The following DMD variants were observed in gnomAD, a reference collection of about 807,000 sequenced individuals.
DMD encodes dystrophin, also known as mutant dystrophin.
A neutral mutation model predicts 330.1 loss-of-function variants in DMD; 63 were observed. That is an observed-to-expected ratio of 0.19 (90% confidence interval 0.16 to 0.24). The LOEUF is 0.24. Among genes scored for constraint, DMD ranks in the 10% least tolerant of loss-of-function variants. The pLI is 1.00. For synonymous variants in DMD, 1,223 were observed against 959.8 expected (o/e 1.27, Z -5.07); for missense variants, 3,344 against 2,684.1 (o/e 1.25, Z -5.43).
At chrX:31,630,496 T>C (rs1434546052) in intron 54 of DMD, among the ~76,000 whole-genome samples, 2 of 111,200 alleles carry the variant, frequency 1.8e-5, no homozygotes, top group South Asian at 3.8e-4. Context: ...TCGGAATCTA[T>C]GTGTGTGTAC....
intron 1 of DMD, among the ~76,000 whole-genome samples, chrX:33,149,046 G>C (rs930250204): frequency 1.8e-5 from 2 of 110,053 alleles, no homozygotes; most frequent in African/African-American, 3.3e-5. Context: ...TGGGGTTAGT[G>C]GGGGGGAGGT....
intron 1 of DMD, among the ~76,000 whole-genome samples, chrX:33,257,717 G>A (rs1313456423): frequency 8.1e-5 from 9 of 110,862 alleles, no homozygotes; most frequent in African/African-American, 2.6e-4. Context: ...TGGTAAGTTC[G>A]ATAAGCCATT....
intron 2 of DMD, among the ~76,000 whole-genome samples, chrX:32,923,670 A>T (rs2088680575): frequency 8.9e-6 from 1 of 112,173 alleles, no homozygotes; most frequent in Non-Finnish European, 1.9e-5. Flanking sequence ...GTGATTACAT[A>T]AAAAAATGAA....
chrX:32,984,451 T>C (rs1456502363), intron 2 of DMD, among the ~76,000 whole-genome samples: 1 of 111,302 alleles, frequency 9.0e-6, no homozygotes, highest in Non-Finnish European at 1.9e-5. Context: ...GACAGGGTTT[T>C]GTCATGTTGG....
At chrX:32,676,441 T>C (rs747617246) in intron 9 of DMD, among the ~76,000 whole-genome samples, 2 of 111,493 alleles carry the variant, frequency 1.8e-5, no homozygotes, top group Admixed American at 1.9e-4. Context: ...TGCCTGGCTT[T>C]CCAAGTCCTC....
chrX:31,855,039 G>A (rs769667135), intron 48 of DMD, among the ~76,000 whole-genome samples: 17 of 112,045 alleles, frequency 1.5e-4, no homozygotes, highest in African/African-American at 4.9e-4. Context: ...GTCTGTTCAC[G>A]GTCTGTATTT....
At chrX:31,967,914 C>T (rs2095366073) in intron 45 of DMD, among the ~76,000 whole-genome samples, 1 of 111,749 alleles carries the variant, frequency 8.9e-6, no homozygotes, top group African/African-American at 3.2e-5. Flanking sequence ...AGGTAAGTGA[C>T]ACTATCACTT....
chrX:32,102,003 T>C (rs2096542159), intron 44 of DMD: 1 of 111,670 alleles, frequency 9.0e-6, no homozygotes, highest in Non-Finnish European at 1.9e-5. Context: ...CTTCTTGCCA[T>C]GTAATGTCCT....
At chrX:31,399,367 T>C (rs1318499705) in intron 60 of DMD, among the ~76,000 whole-genome samples, 1 of 99,718 alleles carries the variant, frequency 1.0e-5, no homozygotes, top group Non-Finnish European at 2.0e-5. Context: ...TGTCCAACTG[T>C]AGTTTCTGAC....
intron 47 of DMD, among the ~76,000 whole-genome samples, chrX:31,886,904 C>T (rs892457347): frequency 8.9e-6 from 1 of 111,960 alleles, no homozygotes; most frequent in Non-Finnish European, 1.9e-5. Flanking sequence ...CACATGTATA[C>T]TTCTATAGAA....
At chrX:31,353,985 C>T (rs1253112884) in intron 60 of DMD, among the ~76,000 whole-genome samples, 1 of 111,821 alleles carries the variant, frequency 8.9e-6, no homozygotes, top group Non-Finnish European at 1.9e-5. Flanking sequence ...ACTATTAGAT[C>T]ATAGATCACG....
At chrX:31,748,874 G>A (rs954265561) in intron 51 of DMD, among the ~76,000 whole-genome samples, 10 of 111,469 alleles carry the variant, frequency 9.0e-5, no homozygotes, top group Non-Finnish European at 1.7e-4. Context: ...GGAATAAAAT[G>A]GCCCATATCC....
intron 62 of DMD, chrX:31,266,972 C>A (rs2051210108): frequency 2.0e-6 from 2 of 1,015,092 alleles, no homozygotes; most frequent in Non-Finnish European, 2.6e-6. Context: ...CCGGCGCGGG[C>A]GGGCCGGGGA....
At position 32,232,718 on chromosome X, in the gene DMD, C is replaced by A. The variant is rs185930221; in HGVS notation, c.6291-15655G>T. The stretch of plus-strand genomic sequence containing the variant: ...CTACATTCATTAAATTTTTTCTTTC[C>A]CACACCGGAAGGCACATGTCTAAAC... On this transcript the variant is annotated intron_variant, in intron 43 of 78. Coordinates refer to ENST00000357033, the MANE Select transcript of DMD (RefSeq NM_004006.3). Among the ~76,000 whole-genome samples, 122 of 111,630 alleles carry A rather than the reference C, an allele frequency of 1.1e-3. 3 individuals carry two copies. In the East Asian group the frequency reaches 0.032, roughly 29 times the overall value.
chrX:31,726,132 C>T (rs59429948), intron 52 of DMD, among the ~76,000 whole-genome samples: 10,625 of 111,851 alleles, frequency 0.095, 422 homozygotes, highest in Non-Finnish European at 0.12. Flanking sequence ...CTGATTTAGA[C>T]AAAATTTACT....
At chrX:32,781,306 G>A (rs1247064420) in intron 7 of DMD, among the ~76,000 whole-genome samples, 1 of 110,780 alleles carries the variant, frequency 9.0e-6, no homozygotes, top group East Asian at 2.8e-4. Context: ...CATTAAGTGA[G>A]AATTATTTTT....
chrX:31,936,737 T>C (rs191768865), intron 45 of DMD, among the ~76,000 whole-genome samples: 223 of 111,738 alleles, frequency 2.0e-3, no homozygotes, highest in African/African-American at 6.8e-3. Context: ...ATTGTTCAGA[T>C]ATTCTCATTT....
intron 44 of DMD, among the ~76,000 whole-genome samples, chrX:32,166,451 C>G (rs1266785706): frequency 9.0e-6 from 1 of 111,226 alleles, no homozygotes; most frequent in Non-Finnish European, 1.9e-5. Flanking sequence ...GAATGAGACC[C>G]TGTCTCAAAA....
At chrX:31,351,546 T>A (rs1354636076) in intron 60 of DMD, among the ~76,000 whole-genome samples, 1 of 108,863 alleles carries the variant, frequency 9.2e-6, no homozygotes, top group Non-Finnish European at 1.9e-5. Flanking sequence ...GCCAACATGA[T>A]GAAACGCAGT....
Sources: gnomAD v4.1 joint callset for allele counts (sites outside exome capture counted in the v4.1 genomes callset) on GRCh38, gnomAD v4.1.1 for gene constraint, MANE v1.5 for transcripts, NCBI Gene and HGNC (gene_info 2026-07-23, HGNC 2026-07-21) for gene names.